HMBOX1: variants seen among roughly 807,000 people sequenced by gnomAD.
The protein encoded by HMBOX1 is homeobox-containing protein 1.
A neutral mutation model predicts 54.5 loss-of-function variants in HMBOX1; 14 were observed. That is an observed-to-expected ratio of 0.26 (90% CI 0.17 to 0.40). The LOEUF is 0.40. Among genes scored for constraint, HMBOX1 ranks in the 10% least tolerant of loss-of-function variants. The pLI, the probability that HMBOX1 is intolerant of heterozygous loss-of-function variation, is 1.00. For missense variants in HMBOX1, 332 were observed against 514.4 expected (o/e 0.65, Z 3.43); for synonymous variants, 160 against 181.0 (o/e 0.88, Z 0.93).
At chr8:28,914,198 G>T (rs912388653) in intron 1 of HMBOX1, among the ~76,000 whole-genome samples, 1 of 152,058 alleles carries the variant, frequency 6.6e-6, no homozygotes, top group African/African-American at 2.4e-5. Flanking sequence ...TAGCCTCCTT[G>T]TATTAAATAA....
At chr8:28,964,415 A>G (rs1253427885) in intron 2 of HMBOX1, among the ~76,000 whole-genome samples, 1 of 152,172 alleles carries the variant, frequency 6.6e-6, no homozygotes, top group Non-Finnish European at 1.5e-5. Context: ...ACAAATTGAG[A>G]TAGTGGTATT....
chr8:29,046,601 C>T (rs560616970), intron 7 of HMBOX1, among the ~76,000 whole-genome samples: 1 of 152,324 alleles, frequency 6.6e-6, no homozygotes, highest in African/African-American at 2.4e-5. Flanking sequence ...TGTATAATAT[C>T]CTCTGTCCTA....
chr8:28,924,029 A>G (rs1037202927), intron 1 of HMBOX1, among the ~76,000 whole-genome samples: 1 of 151,518 alleles, frequency 6.6e-6, no homozygotes, highest in African/African-American at 2.4e-5. Context: ...TCAGATATAC[A>G]TGATTTGCAA....
chr8:28,917,945 T>A (rs1489832452), intron 1 of HMBOX1, among the ~76,000 whole-genome samples: 2 of 152,212 alleles, frequency 1.3e-5, no homozygotes, highest in Non-Finnish European at 2.9e-5. Flanking sequence ...ATCAGGGATA[T>A]TAGTTTTCCT....
chr8:28,951,797 G>A (rs904567545), intron 1 of HMBOX1, among the ~76,000 whole-genome samples: 5 of 152,182 alleles, frequency 3.3e-5, no homozygotes, highest in African/African-American at 1.2e-4. Context: ...CTCTCTGCAG[G>A]AGTTTTGTGT....
intron 7 of HMBOX1, 88 bp downstream of exon 7, chr8:29,045,531 C>A: frequency 9.8e-7 from 1 of 1,018,998 alleles, no homozygotes; most frequent in Non-Finnish European, 1.5e-6. Flanking sequence ...TTATGCGTGC[C>A]TTGGCATGGT....
chr8:29,050,209 C>A (rs2133404504), intron 9 of HMBOX1: 3 of 984,512 alleles, frequency 3.0e-6, no homozygotes, highest in Admixed American at 6.1e-5. Flanking sequence ...AAGGGACTTA[C>A]CCTTTCCAAA....
intron 3 of HMBOX1, among the ~76,000 whole-genome samples, chr8:28,977,944 C>CAA (rs60822229): frequency 5.6e-4 from 50 of 88,502 alleles, no homozygotes; most frequent in African/African-American, 1.9e-3. Flanking sequence ...ACTCTGTCTC[C>CAA]AAAAAAAAAA....
intron 4 of HMBOX1, among the ~76,000 whole-genome samples, chr8:29,000,092 GTTA>G (rs1832418160): frequency 6.6e-6 from 1 of 152,132 alleles, no homozygotes; most frequent in Non-Finnish European, 1.5e-5. Context: ...ACATTATAAA[GTTA>G]TTATTCTTTG....
At chr8:29,032,696 C>T (rs903635540) in intron 6 of HMBOX1, among the ~76,000 whole-genome samples, 8 of 152,052 alleles carry the variant, frequency 5.3e-5, no homozygotes, top group Non-Finnish European at 8.8e-5. Flanking sequence ...TGGTTATACT[C>T]GGCTGGTCTA....
chr8:28,911,476 C>T (rs1372748374), intron 1 of HMBOX1, among the ~76,000 whole-genome samples: 2 of 152,228 alleles, frequency 1.3e-5, no homozygotes, highest in Non-Finnish European at 2.9e-5. Context: ...CTGCCTCAGC[C>T]TGGCGAGTAG....
intron 6 of HMBOX1, among the ~76,000 whole-genome samples, chr8:29,024,470 AT>A (rs1801706537): frequency 1.3e-5 from 2 of 152,216 alleles, no homozygotes; most frequent in Admixed American, 1.3e-4. Context: ...CTGTTAGATA[AT>A]AGCGGTAGGA....
intron 5 of HMBOX1, among the ~76,000 whole-genome samples, chr8:29,011,610 A>C (rs1014524508): frequency 6.6e-6 from 1 of 152,224 alleles, no homozygotes; most frequent in Non-Finnish European, 1.5e-5. Flanking sequence ...GTGCAGCTCT[A>C]GGGCCACAAT....
chr8:28,948,577 C>T (rs939457590), intron 1 of HMBOX1, among the ~76,000 whole-genome samples: 1 of 152,150 alleles, frequency 6.6e-6, no homozygotes, highest in African/African-American at 2.4e-5. Flanking sequence ...GAACTCTTAA[C>T]AAAACCTTTG....
chr8:28,985,390 G>A (rs1289630336), intron 4 of HMBOX1, among the ~76,000 whole-genome samples: 5 of 152,138 alleles, frequency 3.3e-5, no homozygotes, highest in African/African-American at 7.2e-5. Context: ...CAAAGATCCC[G>A]CCTCCTAAAA....
Position 29,051,217 on chromosome 8 carries a change from T to G in HMBOX1, c.*62T>G, listed in dbSNP as rs1041085261. ...GACGTAGCACCTTAGCAGACTTTCC[T>G]CGGTCCTTAACATGTGTTCTTACAG... On this transcript the variant is annotated 3_prime_UTR_variant, in exon 10 of 10. Transcript: ENST00000287701. 5 of 1,568,092 alleles carry G rather than the reference T, an allele frequency of 3.2e-6. No homozygotes were observed. In the African/African-American group the frequency reaches 6.8e-5, roughly 21 times the overall value.
At chr8:28,940,086 G>A (rs376415754) in intron 1 of HMBOX1, among the ~76,000 whole-genome samples, 4 of 151,604 alleles carry the variant, frequency 2.6e-5, no homozygotes, top group African/African-American at 4.9e-5. Flanking sequence ...TCGGCTCACC[G>A]CATCCTCCAT....
At chr8:29,018,632 G>C (rs1800695252) in intron 5 of HMBOX1, 128 bp from the exon 6 acceptor site, 2 of 884,850 alleles carry the variant, frequency 2.3e-6, no homozygotes, top group African/African-American at 3.4e-5. Flanking sequence ...AAATTTTTCA[G>C]AGAAAGATAC....
chr8:29,030,343 G>A lies in HMBOX1; in HGVS notation c.851+11430G>A, dbSNP rs139241894. ...AGTGATTCTCCTGCCTCAGCCTCCC[G>A]AGAAGCTGGGATTACAGGCATGTGC... is the stretch of plus-strand genomic sequence containing the variant. On this transcript the variant is annotated intron_variant, in intron 6 of 9. Transcript: ENST00000287701. Among the ~76,000 whole-genome samples the A allele has an allele frequency of 2.9e-3, 441 of 151,900 alleles. 2 individuals are homozygous for A. Among genetic ancestry groups the A allele is most frequent in the African/African-American group, 0.01 (426 of 41,402 alleles).
Sources: gnomAD v4.1 joint callset for allele counts (sites outside exome capture counted in the v4.1 genomes callset) on GRCh38, gnomAD v4.1.1 for gene constraint, MANE v1.5 for transcripts, NCBI Gene and HGNC (gene_info 2026-07-23, HGNC 2026-07-21) for gene names.